KLHDC2: variants seen among roughly 807,000 people sequenced by gnomAD.
KLHDC2 encodes the protein kelch domain containing 2.
Under a neutral mutation model 62.3 loss-of-function variants are expected in KLHDC2, and 38 were observed. The observed-to-expected ratio is 0.61, with a 90% confidence interval of 0.47 to 0.80. KLHDC2 has a LOEUF of 0.80. KLHDC2 is among the 30% of genes least tolerant of loss of function. KLHDC2 has a pLI of 0.00. For synonymous variants in KLHDC2, 159 were observed against 161.0 expected (o/e 0.99, Z 0.09); for missense variants, 430 against 495.3 (o/e 0.87, Z 1.25).
At position 49,778,184 on chromosome 14, in the gene KLHDC2, AT is replaced by A; in HGVS notation, c.480del (p.Phe160LeufsTer39). The A allele has an allele frequency of 1.3e-6, 2 of 1,598,380 alleles. No homozygotes were observed. The highest frequency in any genetic ancestry group is 1.1e-5 in the South Asian group (1 of 88,220). On this transcript the variant is annotated frameshift_variant, in exon 5 of 13. Transcript: ENST00000298307. LOFTEE classifies it high-confidence loss of function. ...GVWVYKNKLI[F>X]FGGYGYLPED... ...TTGGTTTTTCATCCAACAGGTTAATATTTTTTGGAGGGTATGGATATTTGCC... is the reference window on the plus strand; with the variant it reads ...TTGGTTTTTCATCCAACAGGTTAATATTTTTGGAGGGTATGGATATTTGCC...
intron 3 of KLHDC2, among the ~76,000 whole-genome samples, chr14:49,776,643 G>A (rs1050491770): frequency 3.3e-5 from 5 of 152,070 alleles, no homozygotes; most frequent in African/African-American, 1.2e-4. Flanking sequence ...TCAGGGCTGG[G>A]TGTGGTAGCT....
chr14:49,771,501 T>TTAG (rs1889663264), intron 1 of KLHDC2, 93 bp from the exon 2 acceptor site: 1 of 647,968 alleles, frequency 1.5e-6, no homozygotes, highest in Admixed American at 2.6e-5. Flanking sequence ...TTCATACTAA[T>TTAG]TATGAAATTA....
chr14:49,773,501 C>T (rs1189574808), intron 2 of KLHDC2, among the ~76,000 whole-genome samples: 2 of 150,820 alleles, frequency 1.3e-5, no homozygotes, highest in East Asian at 3.9e-4. Context: ...GGGAGGATCA[C>T]TTGAGCCCAG....
rs958243265 is a variant in KLHDC2 at position 49,768,215 on chromosome 14, G to C, written c.-254G>C. On this transcript the variant is annotated 5_prime_UTR_variant, in exon 1 of 13. Transcript: ENST00000298307. ...GCTTCCCTGCAGTGCCCCGAGTCCCGGGCCCGCGCCGCCGCCGCCCGGCTC... is the reference window on the plus strand; with the variant it reads ...GCTTCCCTGCAGTGCCCCGAGTCCCCGGCCCGCGCCGCCGCCGCCCGGCTC... The C allele has an allele frequency of 2.9e-6, 1 of 343,218 alleles. No homozygotes were observed. Among genetic ancestry groups the C allele is most frequent in the Admixed American group, 5.0e-5 (1 of 20,090 alleles). The allele number at this position is 343,218 out of a possible 1,614,324, so 21.3% of individuals were successfully genotyped here.
intron 2 of KLHDC2, among the ~76,000 whole-genome samples, chr14:49,772,962 C>G (rs1436853411): frequency 6.6e-6 from 1 of 151,724 alleles, no homozygotes; most frequent in East Asian, 1.9e-4. Context: ...TCTCAAAAAA[C>G]AAAAACATTT....
At chr14:49,775,522 C>G (rs117785672) in intron 3 of KLHDC2, among the ~76,000 whole-genome samples, 1 of 150,142 alleles carries the variant, frequency 6.7e-6, no homozygotes, top group Non-Finnish European at 1.5e-5. Context: ...GATGAGGGAA[C>G]AGAACAAGGA....
Position 49,782,614 on chromosome 14 carries a change from G to A in KLHDC2, c.1097+20G>A, listed in dbSNP as rs752893494. ...TGTACGGTAAGTAACTTTGTACTTG[G>A]CACTTAGATTATTTAAAATTGTGTT... is the stretch of plus-strand genomic sequence containing the variant. On this transcript the variant is annotated intron_variant, in intron 12 of 12. Transcript: ENST00000298307. 8 of 1,570,678 alleles carry A rather than the reference G, an allele frequency of 5.1e-6. No homozygotes were observed. The South Asian group carries it at 6.9e-5, about 14-fold the overall frequency.
At position 49,785,265 on chromosome 14, in the gene KLHDC2, A is replaced by G; in HGVS notation, c.*2312A>G. 2 of 1,614,068 alleles carry G rather than the reference A, an allele frequency of 1.2e-6. No homozygotes were observed. The highest frequency in any genetic ancestry group is 2.7e-5 in the African/African-American group (2 of 75,060). On this transcript the variant is annotated 3_prime_UTR_variant, in exon 13 of 13. Transcript: ENST00000298307. ...GTAAGGGGCACATATTGGAATGGCA[A>G]ACAGTAGTACATCTTCAGGATGTGG...
At chr14:49,773,958 A>T (rs1333506385) in intron 2 of KLHDC2, among the ~76,000 whole-genome samples, 6 of 152,236 alleles carry the variant, frequency 3.9e-5, no homozygotes, top group African/African-American at 1.4e-4. Flanking sequence ...TGACAGTTTT[A>T]GCAGAAGACC....
chr14:49,783,805 T>G lies in KLHDC2; in HGVS notation c.*852T>G, dbSNP rs1304092332. On this transcript the variant is annotated 3_prime_UTR_variant, in exon 13 of 13. Coordinates refer to ENST00000298307, the MANE Select transcript of KLHDC2 (RefSeq NM_014315.3). ...AGGTCTACAAATGAATAGAAATGAT[T>G]AAGCTGAGTCATGAGAATTATTACT... 4 of 151,652 alleles carry G rather than the reference T, an allele frequency of 2.6e-5. No homozygotes were observed. Among genetic ancestry groups the G allele is most frequent in the Admixed American group, 6.6e-5 (1 of 15,230 alleles). 9.4% of individuals were successfully genotyped at this position (151,652 alleles called of 1,614,324 possible). A position where few individuals can be genotyped will look rare whatever the true frequency, so the allele number is the denominator to read the frequency against.
chr14:49,777,943 A>G lies in KLHDC2; in HGVS notation c.456A>G (p.Val152=). ...CAAAGGACAAACTTGGTGTCTGGGTATATAAAAACAAGTAAGTTGGCAGCA... is the reference window on the plus strand; with the variant it reads ...CAAAGGACAAACTTGGTGTCTGGGTGTATAAAAACAAGTAAGTTGGCAGCA... ...PSSKDKLGVW[V]YKNKLIFFGG... Residue 152 remains valine (V), a synonymous_variant, in exon 4 of 13, where the codon GTA becomes GTG. Transcript: ENST00000298307. The G allele has an allele frequency of 6.3e-7, 1 of 1,596,782 alleles. No individual in the cohort carries two copies. Among genetic ancestry groups the G allele is most frequent in the South Asian group, 1.1e-5 (1 of 89,592 alleles).
chr14:49,783,049 A>G lies in KLHDC2; in HGVS notation c.*96A>G. The G allele has an allele frequency of 7.6e-7, 1 of 1,321,626 alleles. No individual in the cohort carries two copies. Among genetic ancestry groups the G allele is most frequent in the Non-Finnish European group, 1.0e-6 (1 of 967,784 alleles). The allele number at this position is 1,321,626 out of a possible 1,614,324, so 81.9% of individuals were successfully genotyped here. On this transcript the variant is annotated 3_prime_UTR_variant, in exon 13 of 13. Coordinates refer to ENST00000298307, the MANE Select transcript of KLHDC2 (RefSeq NM_014315.3). ...TTTGTATAATTATATGCATTGTTGT[A>G]GTTTGCACCTGTTGGTTTTAATGTG...
In KLHDC2 at chr14:49,784,587, A is replaced by G; in HGVS notation, c.*1634A>G. ...TGGTGCTTTCATCTTTGAACTTCCA[A>G]AAGGCTATAAAATTGGCTCTTCTCA... On this transcript the variant is annotated 3_prime_UTR_variant, in exon 13 of 13. Coordinates refer to ENST00000298307, the MANE Select transcript of KLHDC2 (RefSeq NM_014315.3). 1 of 1,325,374 alleles carries G rather than the reference A, an allele frequency of 7.5e-7. No homozygotes were observed. The highest frequency in any genetic ancestry group is 1.1e-6 in the Non-Finnish European group (1 of 928,960). The allele number at this position is 1,325,374 out of a possible 1,614,324, so 82.1% of individuals were successfully genotyped here. A position where few individuals can be genotyped will look rare whatever the true frequency, so the allele number is the denominator to read the frequency against.
intron 6 of KLHDC2, among the ~76,000 whole-genome samples, chr14:49,779,213 C>G (rs1208494957): frequency 6.6e-6 from 1 of 152,170 alleles, no homozygotes; most frequent in African/African-American, 2.4e-5. Context: ...TACAGATACT[C>G]AAACTGTAAT....
chr14:49,776,322 C>G (rs568898420), intron 3 of KLHDC2, among the ~76,000 whole-genome samples: 1 of 152,002 alleles, frequency 6.6e-6, no homozygotes, highest in Admixed American at 6.6e-5. Context: ...AGTAGTTTGT[C>G]GAGTGGCTAG....
At chr14:49,770,412 T>TG (rs890701973) in intron 1 of KLHDC2, among the ~76,000 whole-genome samples, 3 of 152,216 alleles carry the variant, frequency 2.0e-5, no homozygotes, top group Non-Finnish European at 4.4e-5. Context: ...CCTTCATCAC[T>TG]GGTGGGGTGG....
In KLHDC2 at chr14:49,779,655, G is replaced by A. The variant is rs150056830; in HGVS notation, c.694G>A (p.Val232Met). ...ACATVGNRGF[V>M]FGGRYRDARM... ...TGCAACTGTCGGAAATAGAGGCTTC[G>A]TGTTTGGAGGCAGATATCGAGTAAG... The change falls in exon 7 of 13, where the codon GTG becomes ATG. Residue 232 changes from valine (V) to methionine (M), a missense_variant. Transcript: ENST00000298307. 3.5e-4 allele frequency: 568 copies of A among 1,614,026 alleles called. 2 individuals are homozygous for A. Among genetic ancestry groups the A allele is most frequent in the Non-Finnish European group, 4.3e-4 (513 of 1,180,012 alleles).
chr14:49,769,886 G>A (rs1391109275), intron 1 of KLHDC2, among the ~76,000 whole-genome samples: 2 of 150,526 alleles, frequency 1.3e-5, no homozygotes, highest in Non-Finnish European at 2.9e-5. Flanking sequence ...AGTTTGCAGT[G>A]AGCTGAGACG....
At chr14:49,775,642 A>G (rs8007202) in intron 3 of KLHDC2, among the ~76,000 whole-genome samples, 8 of 138,768 alleles carry the variant, frequency 5.8e-5, no homozygotes, top group Non-Finnish European at 9.1e-5. Flanking sequence ...TTTTTTTCGG[A>G]TGGGGACAGA....
Sources: allele counts gnomAD v4.1 joint callset (sites outside exome capture counted in the v4.1 genomes callset), GRCh38; gene constraint gnomAD v4.1.1; transcripts MANE v1.5; gene names NCBI Gene and HGNC (gene_info 2026-07-23, HGNC 2026-07-21).